The following ABCC4 variants were observed in gnomAD, a reference collection of about 807,000 sequenced individuals.
ABCC4 encodes ATP binding cassette subfamily C member 4 (PEL blood group), also known as ATP-binding cassette sub-family C member 4.
Under a neutral mutation model 168.5 loss-of-function variants are expected in ABCC4, and 102 were observed. The ratio of observed to expected loss-of-function variants is 0.61; its 90% CI spans 0.52 to 0.71. The LOEUF (loss-of-function observed/expected upper bound fraction) is 0.71, where lower values mean the gene tolerates loss of function less well. ABCC4 is among the 30% of genes least tolerant of loss of function. The pLI, the probability that ABCC4 is intolerant of heterozygous loss-of-function variation, is 0.00. For synonymous variants in ABCC4, 617 were observed against 590.7 expected (o/e 1.04, Z -0.65); for missense variants, 1,402 against 1,605.8 (o/e 0.87, Z 2.17).
intron 4 of ABCC4, 89 bp from the exon 5 acceptor site, chr13:95,210,870 T>A: frequency 3.2e-6 from 3 of 944,442 alleles, no homozygotes; most frequent in Non-Finnish European, 5.0e-6. Context: ...AAGTCTCGTG[T>A]GATGTCAAGA....
intron 9 of ABCC4, among the ~76,000 whole-genome samples, chr13:95,191,323 T>C (rs559680367): frequency 2.6e-5 from 4 of 152,190 alleles, no homozygotes; most frequent in Non-Finnish European, 1.5e-5. Context: ...TGACCCCTTA[T>C]GTGTCCCATA....
intron 19 of ABCC4, among the ~76,000 whole-genome samples, chr13:95,138,934 C>G (rs1371320013): frequency 6.6e-6 from 1 of 152,224 alleles, no homozygotes; most frequent in African/African-American, 2.4e-5. Flanking sequence ...GCTGTAACCC[C>G]AACCACCCAT....
chr13:95,217,723 T>C (rs1024303990), intron 4 of ABCC4, among the ~76,000 whole-genome samples: 7 of 151,764 alleles, frequency 4.6e-5, no homozygotes, highest in Non-Finnish European at 1.0e-4. Context: ...TGAGACTCCT[T>C]CTCAAAAATT....
chr13:95,072,992 T>C (rs2033784692), intron 24 of ABCC4, among the ~76,000 whole-genome samples: 1 of 152,148 alleles, frequency 6.6e-6, no homozygotes, highest in Admixed American at 6.5e-5. Flanking sequence ...GTGATGAATA[T>C]AAAACCTGCT....
Position 95,036,693 on chromosome 13 carries a change from A to C in ABCC4, c.3736-1954T>G, listed in dbSNP as rs115548147. 3.6e-3 allele frequency among the ~76,000 whole-genome samples: 549 copies of C among 152,296 alleles called. 4 individuals carry two copies. The highest frequency in any genetic ancestry group is 0.013 in the African/African-American group (523 of 41,576). On this transcript the variant is annotated intron_variant, in intron 29 of 30. Coordinates refer to ENST00000645237, the MANE Select transcript of ABCC4 (RefSeq NM_005845.5). Reference sequence around the variant, plus strand: ...GGGGTGATAGAACCATGACCTTAATAATTTACTAGAACTTAAAATTTTAAC... The same window carrying C: ...GGGGTGATAGAACCATGACCTTAATCATTTACTAGAACTTAAAATTTTAAC...
At chr13:95,029,172 A>ATCTATATCTATATCTATATCTATATC (rs778904308) in intron 30 of ABCC4, among the ~76,000 whole-genome samples, 1 of 60,772 alleles carries the variant, frequency 1.6e-5, no homozygotes, top group African/African-American at 6.8e-5. Context: ...AAATACATAT[A>ATCTATATCTATATCTATATCTATATC]TATATATATA....
chr13:95,235,406 C>A (rs1162312079), intron 3 of ABCC4, among the ~76,000 whole-genome samples: 1 of 152,092 alleles, frequency 6.6e-6, no homozygotes, highest in Non-Finnish European at 1.5e-5. Flanking sequence ...GCACACTTGG[C>A]AAACTACCAA....
intron 19 of ABCC4, among the ~76,000 whole-genome samples, chr13:95,126,544 C>T (rs2139438097): frequency 6.6e-6 from 1 of 151,736 alleles, no homozygotes; most frequent in Non-Finnish European, 1.5e-5. Flanking sequence ...GGCCCTCCCA[C>T]TACCCACCCT....
At chr13:95,294,769 A>T (rs2041484870) in intron 1 of ABCC4, among the ~76,000 whole-genome samples, 1 of 151,990 alleles carries the variant, frequency 6.6e-6, no homozygotes, top group Non-Finnish European at 1.5e-5. Context: ...CCTGGACAAC[A>T]TGTTGAAACC....
chr13:95,243,412 C>T (rs4148450), intron 3 of ABCC4, among the ~76,000 whole-genome samples: 137,445 of 152,268 alleles, frequency 0.9, 62,171 homozygotes, highest in African/African-American at 0.94. Context: ...ACTTGACATC[C>T]GCCCAGACCA....
intron 13 of ABCC4, among the ~76,000 whole-genome samples, chr13:95,176,245 G>GGGGGT (rs2037695623): frequency 1.7e-5 from 1 of 60,174 alleles, no homozygotes; most frequent in Non-Finnish European, 3.8e-5. Flanking sequence ...GGGGGGGGGG[G>GGGGGT]TGGATCCCTT....
intron 19 of ABCC4, among the ~76,000 whole-genome samples, chr13:95,159,712 G>C (rs1440973001): frequency 6.6e-6 from 1 of 152,210 alleles, no homozygotes; most frequent in African/African-American, 2.4e-5. Flanking sequence ...AATAACAGCT[G>C]AAATCAGACC....
intron 30 of ABCC4, among the ~76,000 whole-genome samples, chr13:95,031,653 G>C (rs1013706453): frequency 2.0e-5 from 3 of 152,166 alleles, no homozygotes; most frequent in African/African-American, 7.2e-5. Context: ...CAGTAATTGA[G>C]ATTTCAATTC....
chr13:95,236,235 T>G (rs2138764078), intron 3 of ABCC4, among the ~76,000 whole-genome samples: 1 of 152,254 alleles, frequency 6.6e-6, no homozygotes, highest in East Asian at 1.9e-4. Flanking sequence ...CAAATCCAGG[T>G]CACCAAAAGT....
chr13:95,300,278 C>T (rs1278699221), intron 1 of ABCC4, among the ~76,000 whole-genome samples: 1 of 152,144 alleles, frequency 6.6e-6, no homozygotes, highest in African/African-American at 2.4e-5. Context: ...GTAGGAACCA[C>T]CTGCATCAAG....
At chr13:95,275,749 C>A (rs367943630) in intron 1 of ABCC4, among the ~76,000 whole-genome samples, 309 of 141,544 alleles carry the variant, frequency 2.2e-3, no homozygotes, top group Middle Eastern at 3.7e-3. Context: ...GTTTCTGTCT[C>A]AAAAAAAAAA....
At chr13:95,267,997 T>A (rs1456008289) in intron 1 of ABCC4, among the ~76,000 whole-genome samples, 1 of 152,132 alleles carries the variant, frequency 6.6e-6, no homozygotes, top group African/African-American at 2.4e-5. Context: ...CTGGCAATAC[T>A]CTGGGCATTG....
chr13:95,288,303 A>C (rs1294934549), intron 1 of ABCC4, among the ~76,000 whole-genome samples: 1 of 152,170 alleles, frequency 6.6e-6, no homozygotes, highest in Non-Finnish European at 1.5e-5. Flanking sequence ...CTCTAAATTC[A>C]AGAAATTGAG....
intron 1 of ABCC4, among the ~76,000 whole-genome samples, chr13:95,289,109 G>A (rs538459298): frequency 6.6e-6 from 1 of 152,304 alleles, no homozygotes; most frequent in Admixed American, 6.5e-5. Context: ...CGTCTCTCAA[G>A]ACAGTAATCT....
Sources: allele counts gnomAD v4.1 joint callset (sites outside exome capture counted in the v4.1 genomes callset), GRCh38; gene constraint gnomAD v4.1.1; transcripts MANE v1.5; gene names NCBI Gene and HGNC (gene_info 2026-07-23, HGNC 2026-07-21).